STS: variants seen among roughly 807,000 people sequenced by gnomAD.
STS encodes the protein steroid sulfatase.
A neutral mutation model predicts 26.8 loss-of-function variants in STS; 7 were observed. That is an observed-to-expected ratio of 0.26 (90% CI 0.15 to 0.49). The LOEUF is 0.49. STS is among the 20% of genes least tolerant of loss of function. The pLI, the probability that STS is intolerant of heterozygous loss-of-function variation, is 0.98. For synonymous variants in STS, 199 were observed against 189.4 expected (o/e 1.05, Z -0.42); for missense variants, 434 against 465.6 (o/e 0.93, Z 0.63).
rs761539630 is a variant in STS at position 7,288,303 on chromosome X, T to C, written c.943+12216T>C. 6.4e-5 allele frequency among the ~76,000 whole-genome samples: 7 copies of C among 109,904 alleles called. No individual in the cohort carries two copies. In the South Asian group the frequency reaches 2.7e-3, roughly 43 times the overall value. ...TCCCCTACAAATTACAGGTTGAGTA[T>C]CCAAAATACTCAAATATTCATCCAA... On this transcript the variant is annotated intron_variant, in intron 7 of 10. Transcript: ENST00000674429.
At chrX:7,229,269 G>A (rs1601669089) in intron 2 of STS, among the ~76,000 whole-genome samples, 1 of 111,833 alleles carries the variant, frequency 8.9e-6, no homozygotes, top group African/African-American at 3.3e-5. Flanking sequence ...GTTGTGATTT[G>A]TTTGGTTTTA....
At position 7,302,187 on chromosome X, in the gene STS, A is replaced by G. The variant is rs186411480; in HGVS notation, c.944-2859A>G. On this transcript the variant is annotated intron_variant, in intron 7 of 10. Transcript: ENST00000674429. ...TGCCCTTTACTAAATACTAACTACAATACACGGAAGCAAATTCCTAAGTCC... is the reference window on the plus strand; with the variant it reads ...TGCCCTTTACTAAATACTAACTACAGTACACGGAAGCAAATTCCTAAGTCC... Among the ~76,000 whole-genome samples the G allele has an allele frequency of 7.2e-5, 8 of 111,709 alleles. No individual in the cohort carries two copies. In the East Asian group the frequency reaches 2.3e-3, roughly 32 times the overall value.
At chrX:7,184,567 G>A (rs1301186590) in intron 1 of STS, among the ~76,000 whole-genome samples, 1 of 111,471 alleles carries the variant, frequency 9.0e-6, no homozygotes, top group Non-Finnish European at 1.9e-5. Context: ...TTAAATTCAG[G>A]GTATTTCCAC....
In STS at chrX:7,217,696, T is replaced by C. The variant is rs921228722; in HGVS notation, c.-5+26688T>C. Among the ~76,000 whole-genome samples, 38 of 111,321 alleles carry C rather than the reference T, an allele frequency of 3.4e-4. 1 individual carries two copies. Among genetic ancestry groups the C allele is most frequent in the Non-Finnish European group, 1.5e-4 (8 of 53,056 alleles). On this transcript the variant is annotated intron_variant, in intron 2 of 10. Coordinates refer to ENST00000674429, the MANE Select transcript of STS (RefSeq NM_001320752.2). ...AAAGAGAGAAGAGAGAAAAATATTTTTCAAATCAAATTTCTGCCCCAGGTA... is the reference window on the plus strand; with the variant it reads ...AAAGAGAGAAGAGAGAAAAATATTTCTCAAATCAAATTTCTGCCCCAGGTA...
chrX:7,240,489 ATGTATGTGTG>A (rs1180394369), intron 2 of STS, among the ~76,000 whole-genome samples: 1 of 45,034 alleles, frequency 2.2e-5, no homozygotes, highest in African/African-American at 7.8e-5. Flanking sequence ...ACACACAGAT[ATGTATGTGTG>A]TGTGTGTGTG....
Position 7,263,412 on chromosome X carries a change from A to T in STS, c.806+3640A>T, listed in dbSNP as rs142855415. On this transcript the variant is annotated intron_variant, in intron 6 of 10. Coordinates refer to ENST00000674429, the MANE Select transcript of STS (RefSeq NM_001320752.2). Reference sequence around the variant, plus strand: ...CTGTATTTTTTCCTGTACCTTTTCTATGTGTACATATGTCTAGATAAATAC... The same window carrying T: ...CTGTATTTTTTCCTGTACCTTTTCTTTGTGTACATATGTCTAGATAAATAC... 4.9e-3 allele frequency among the ~76,000 whole-genome samples: 549 copies of T among 112,481 alleles called. 5 individuals carry two copies. The highest frequency in any genetic ancestry group is 0.028 in the Middle Eastern group (6 of 216).
At chrX:7,349,172 T>A (rs1177767689) in intron 10 of STS, among the ~76,000 whole-genome samples, 1 of 102,230 alleles carries the variant, frequency 9.8e-6, no homozygotes, top group African/African-American at 3.6e-5. Context: ...TTTTAATTTC[T>A]TATAGAGATG....
At chrX:7,331,191 G>C (rs1250557702) in intron 9 of STS, among the ~76,000 whole-genome samples, 1 of 111,466 alleles carries the variant, frequency 9.0e-6, no homozygotes, top group Non-Finnish European at 1.9e-5. Flanking sequence ...GCACATTCTT[G>C]GAGGAATGAC....
At chrX:7,339,846 T>C (rs1207569478) in intron 10 of STS, among the ~76,000 whole-genome samples, 1 of 111,472 alleles carries the variant, frequency 9.0e-6, no homozygotes, top group Non-Finnish European at 1.9e-5. Context: ...TATTTTCTTA[T>C]GGAACTTCAT....
At chrX:7,270,385 A>G (rs1924208467) in intron 6 of STS, among the ~76,000 whole-genome samples, 1 of 111,803 alleles carries the variant, frequency 8.9e-6, no homozygotes, top group Non-Finnish European at 1.9e-5. Context: ...TCACAAAGCA[A>G]GAATTCCTTC....
intron 1 of STS, among the ~76,000 whole-genome samples, chrX:7,190,157 T>C (rs1933846716): frequency 9.1e-6 from 1 of 110,299 alleles, no homozygotes; most frequent in Admixed American, 9.8e-5. Context: ...CTCACCATAA[T>C]GTGGAATCAT....
At chrX:7,166,463 C>T (rs1236463918) in intron 1 of STS, among the ~76,000 whole-genome samples, 2 of 111,638 alleles carry the variant, frequency 1.8e-5, no homozygotes, top group Admixed American at 1.9e-4. Context: ...CCAGATATCA[C>T]ATGGATGACT....
At chrX:7,213,177 A>G (rs1200831176) in intron 2 of STS, among the ~76,000 whole-genome samples, 1 of 111,691 alleles carries the variant, frequency 9.0e-6, no homozygotes. Context: ...GGGACACACA[A>G]AAACAGCCAG....
At chrX:7,281,501 A>G (rs1167545135) in intron 7 of STS, among the ~76,000 whole-genome samples, 1 of 111,922 alleles carries the variant, frequency 8.9e-6, no homozygotes, top group Non-Finnish European at 1.9e-5. Context: ...AATTCATGAG[A>G]TGAGCTTGGG....
Position 7,214,973 on chromosome X carries a change from T to C in STS, c.-5+23965T>C, listed in dbSNP as rs1921196326. On this transcript the variant is annotated intron_variant, in intron 2 of 10. Coordinates refer to ENST00000674429, the MANE Select transcript of STS (RefSeq NM_001320752.2). Reference sequence around the variant, plus strand: ...TATACGTATATATATATTATATATGTATATATACATATATATACGTATATA... The same window carrying C: ...TATACGTATATATATATTATATATGCATATATACATATATATACGTATATA... 4.7e-5 allele frequency among the ~76,000 whole-genome samples: 3 copies of C among 63,952 alleles called. No individual in the cohort carries two copies. In the South Asian group the frequency reaches 1.9e-3, roughly 41 times the overall value. The allele number at this position is 63,952 out of a possible 115,157, so 55.5% of individuals were successfully genotyped here. A position where few individuals can be genotyped will look rare whatever the true frequency, so the allele number is the denominator to read the frequency against.
chrX:7,296,589 C>T (rs752050788), intron 7 of STS, among the ~76,000 whole-genome samples: 1 of 112,316 alleles, frequency 8.9e-6, no homozygotes, highest in African/African-American at 3.2e-5. Flanking sequence ...TATAGTTCCA[C>T]AGAACAGGTA....
At chrX:7,273,061 A>G (rs1246722796) in intron 6 of STS, among the ~76,000 whole-genome samples, 1 of 111,289 alleles carries the variant, frequency 9.0e-6, no homozygotes, top group African/African-American at 3.3e-5. Flanking sequence ...GAGACAAGAC[A>G]ATTGCTTGAA....
At chrX:7,294,998 A>G in intron 7 of STS, among the ~76,000 whole-genome samples, 1 of 112,162 alleles carries the variant, frequency 8.9e-6, no homozygotes. Flanking sequence ...GATGTGGAGG[A>G]CAGTAGAAGC....
Position 7,260,199 on chromosome X carries a change from G to A in STS, c.806+427G>A, listed in dbSNP as rs1053882464. Among the ~76,000 whole-genome samples the A allele has an allele frequency of 8.9e-5, 10 of 112,015 alleles. No individual in the cohort carries two copies. In the South Asian group the frequency reaches 1.9e-3, roughly 21 times the overall value. ...CAGAACTGGTAGGGTTATTATGCTA[G>A]CCACATTTTCCCTTCCATGCCTAAC... On this transcript the variant is annotated intron_variant, in intron 6 of 10. Coordinates refer to ENST00000674429, the MANE Select transcript of STS (RefSeq NM_001320752.2).
Sources: gnomAD v4.1 joint callset for allele counts (sites outside exome capture counted in the v4.1 genomes callset) on GRCh38, gnomAD v4.1.1 for gene constraint, MANE v1.5 for transcripts, NCBI Gene and HGNC (gene_info 2026-07-23, HGNC 2026-07-21) for gene names.